Variants in SORCS3 observed in about 807,000 individuals in gnomAD.
SORCS3 encodes VPS10 domain-containing receptor SorCS3.
In SORCS3, 57 loss-of-function variants were observed where a neutral mutation model predicts 146.3. That is an observed-to-expected ratio of 0.39 (90% CI 0.31 to 0.49). The LOEUF (loss-of-function observed/expected upper bound fraction) is 0.49. SORCS3 is among the 20% of genes least tolerant of loss of function. SORCS3 has a pLI of 0.92. For synonymous variants in SORCS3, 653 were observed against 618.5 expected (o/e 1.06, Z -0.83); for missense variants, 1,341 against 1,575.5 (o/e 0.85, Z 2.52).
At chr10:104,790,206 A>T (rs955905209) in intron 1 of SORCS3, among the ~76,000 whole-genome samples, 1 of 152,256 alleles carries the variant, frequency 6.6e-6, no homozygotes, top group Non-Finnish European at 1.5e-5. Flanking sequence ...AAGATAATGT[A>T]AGGTGCATAA....
chr10:104,792,614 G>A (rs372379989), intron 1 of SORCS3, among the ~76,000 whole-genome samples: 63 of 152,140 alleles, frequency 4.1e-4, no homozygotes, highest in African/African-American at 1.5e-3. Context: ...TTCCTGCTTC[G>A]GGAAGTAAAA....
chr10:105,057,903 A>G (rs757627333), intron 5 of SORCS3, among the ~76,000 whole-genome samples: 2 of 152,168 alleles, frequency 1.3e-5, no homozygotes, highest in Non-Finnish European at 2.9e-5. Context: ...GAATCCTGAA[A>G]TCTTTCCAAA....
chr10:104,709,041 G>A (rs563886843), intron 1 of SORCS3, among the ~76,000 whole-genome samples: 2 of 152,262 alleles, frequency 1.3e-5, no homozygotes, highest in East Asian at 3.9e-4. Context: ...CCTCGCTTTT[G>A]CTTTTGGTTA....
chr10:105,110,910 C>T (rs1283143643), intron 7 of SORCS3, among the ~76,000 whole-genome samples: 4 of 152,156 alleles, frequency 2.6e-5, no homozygotes, highest in Admixed American at 2.6e-4. Flanking sequence ...CCTTCCCCAC[C>T]AGCCAGTCAC....
chr10:105,127,604 G>T (rs912801114), intron 7 of SORCS3, among the ~76,000 whole-genome samples: 1 of 152,088 alleles, frequency 6.6e-6, no homozygotes, highest in Non-Finnish European at 1.5e-5. Flanking sequence ...ACAAATATTA[G>T]TTGTTATGAC....
chr10:104,692,579 G>A (rs1004144981), intron 1 of SORCS3, among the ~76,000 whole-genome samples: 4 of 152,174 alleles, frequency 2.6e-5, no homozygotes, highest in Non-Finnish European at 5.9e-5. Context: ...CATCATTCTT[G>A]TCTTTGTCCA....
intron 3 of SORCS3, among the ~76,000 whole-genome samples, chr10:104,920,843 A>G (rs2019079625): frequency 6.6e-6 from 1 of 152,188 alleles, no homozygotes; most frequent in African/African-American, 2.4e-5. Flanking sequence ...GTTCTGTGGC[A>G]TGGTGGCATC....
chr10:105,189,969 C>T (rs1200186673), intron 14 of SORCS3, among the ~76,000 whole-genome samples: 4 of 152,204 alleles, frequency 2.6e-5, no homozygotes, highest in East Asian at 3.9e-4. Flanking sequence ...TTCTAGATAA[C>T]CTCTTCTCTG....
chr10:105,108,932 A>G (rs1279267528), intron 7 of SORCS3, among the ~76,000 whole-genome samples: 3 of 152,182 alleles, frequency 2.0e-5, no homozygotes, highest in African/African-American at 7.2e-5. Flanking sequence ...ATTGACAGAT[A>G]TGACATATAT....
chr10:105,198,970 T>C (rs1270140095), intron 14 of SORCS3, among the ~76,000 whole-genome samples: 2 of 152,150 alleles, frequency 1.3e-5, no homozygotes, highest in Non-Finnish European at 2.9e-5. Flanking sequence ...CCTCATCTTT[T>C]AGAGAGCATA....
intron 4 of SORCS3, among the ~76,000 whole-genome samples, chr10:104,989,992 T>A (rs2054984107): frequency 6.6e-6 from 1 of 152,208 alleles, no homozygotes; most frequent in South Asian, 2.1e-4. Flanking sequence ...ACTGTTGATG[T>A]CCTGCCTATA....
intron 1 of SORCS3, among the ~76,000 whole-genome samples, chr10:104,825,017 A>G (rs2017918736): frequency 6.6e-6 from 1 of 152,232 alleles, no homozygotes; most frequent in Non-Finnish European, 1.5e-5. Flanking sequence ...GTGCGTGTCC[A>G]CACAAAGCAA....
intron 4 of SORCS3, among the ~76,000 whole-genome samples, chr10:104,988,175 CT>C (rs370364167): frequency 6.6e-4 from 100 of 152,306 alleles, no homozygotes; most frequent in African/African-American, 2.4e-3. Flanking sequence ...TGCCTGCTCT[CT>C]ATCCTAGGCC....
At chr10:104,833,685 C>A (rs1203303602) in intron 1 of SORCS3, among the ~76,000 whole-genome samples, 1 of 152,148 alleles carries the variant, frequency 6.6e-6, no homozygotes, top group African/African-American at 2.4e-5. Flanking sequence ...AGCTGTCAAT[C>A]CTTATAGCTT....
At chr10:105,116,265 C>T (rs981243964) in intron 7 of SORCS3, among the ~76,000 whole-genome samples, 1 of 152,182 alleles carries the variant, frequency 6.6e-6, no homozygotes, top group Non-Finnish European at 1.5e-5. Flanking sequence ...CCTGCTATCA[C>T]CTTGCCTCAC....
intron 1 of SORCS3, 68 bp downstream of exon 1, chr10:104,642,022 G>GGGGGGGGGGGGGGGGGGGGCCCCCCC: frequency 1.7e-5 from 3 of 173,336 alleles, no homozygotes; most frequent in Non-Finnish European, 3.3e-5. Context: ...GGGTGGGTGG[G>GGGGGGGGGGGGGGGGGGGGCCCCCCC]AGCGAGGGAC....
At chr10:104,819,320 T>A (rs564069903) in intron 1 of SORCS3, among the ~76,000 whole-genome samples, 82 of 152,264 alleles carry the variant, frequency 5.4e-4, no homozygotes, top group African/African-American at 1.9e-3. Flanking sequence ...GGTCTGTGAG[T>A]CACACTTTGA....
chr10:105,227,968 A>G (rs1387342489), intron 20 of SORCS3, among the ~76,000 whole-genome samples: 3 of 145,808 alleles, frequency 2.1e-5, no homozygotes, highest in Admixed American at 2.1e-4. Context: ...CCTTGTAGGC[A>G]GCATATTGTG....
At chr10:104,934,581 G>A (rs1054636947) in intron 3 of SORCS3, among the ~76,000 whole-genome samples, 2 of 152,076 alleles carry the variant, frequency 1.3e-5, no homozygotes, top group Non-Finnish European at 2.9e-5. Flanking sequence ...ACTCTTTCTG[G>A]ATGTGCGCAT....
Sources: gnomAD v4.1 joint callset for allele counts (sites outside exome capture counted in the v4.1 genomes callset) on GRCh38, gnomAD v4.1.1 for gene constraint, MANE v1.5 for transcripts, NCBI Gene and HGNC (gene_info 2026-07-23, HGNC 2026-07-21) for gene names.